The following SCN1A variants were observed in gnomAD, a reference collection of about 807,000 sequenced individuals.
SCN1A encodes the protein sodium channel protein type 1 subunit alpha.
Under a neutral mutation model 193.7 loss-of-function variants are expected in SCN1A, and 13 were observed. The ratio of observed to expected loss-of-function variants is 0.07; its 90% CI spans 0.04 to 0.11. The LOEUF (loss-of-function observed/expected upper bound fraction) is 0.11, where lower values mean the gene tolerates loss of function less well. Ranked by LOEUF, SCN1A falls within the 10% of genes least tolerant of loss-of-function variation. The pLI, the probability that SCN1A is intolerant of heterozygous loss-of-function variation, is 1.00. For synonymous variants in SCN1A, 781 were observed against 843.6 expected (o/e 0.93, Z 1.29); for missense variants, 1,432 against 2,451.1 (o/e 0.58, Z 8.78).
chr2:166,064,712 A>G (rs563213136), intron 4 of SCN1A, among the ~76,000 whole-genome samples: 1 of 152,138 alleles, frequency 6.6e-6, no homozygotes, highest in African/African-American at 2.4e-5. Context: ...TCTAGGGGCC[A>G]TATTCTTCAA....
intron 27 of SCN1A, among the ~76,000 whole-genome samples, 194 bp from the exon 28 acceptor site, chr2:165,994,610 C>A (rs1169484467): frequency 2.0e-5 from 3 of 151,688 alleles, no homozygotes; most frequent in African/African-American, 4.8e-5. Flanking sequence ...ATGTGTATTT[C>A]TCAGAATAAC....
chr2:166,049,901 A>G (rs1698330124), intron 9 of SCN1A, among the ~76,000 whole-genome samples: 1 of 152,054 alleles, frequency 6.6e-6, no homozygotes, highest in African/African-American at 2.4e-5. Flanking sequence ...AAGTAAATAA[A>G]AGACAAAAAG....
intron 16 of SCN1A, among the ~76,000 whole-genome samples, chr2:166,040,181 G>A (rs1016917271): frequency 6.6e-6 from 1 of 152,102 alleles, no homozygotes; most frequent in Non-Finnish European, 1.5e-5. Context: ...GCCTCCCAAA[G>A]TGCTGGGATT....
At chr2:166,067,171 T>G (rs1338520052) in intron 4 of SCN1A, among the ~76,000 whole-genome samples, 6 of 152,182 alleles carry the variant, frequency 3.9e-5, no homozygotes, top group African/African-American at 1.4e-4. Flanking sequence ...GAAAAAAAAT[T>G]TCTAATTATT....
chr2:166,137,835 G>A (rs1375608826), intron 1 of SCN1A, among the ~76,000 whole-genome samples: 3 of 152,176 alleles, frequency 2.0e-5, no homozygotes, highest in African/African-American at 7.2e-5. Flanking sequence ...AAGAAGAAAG[G>A]AAAATGTGGG....
chr2:166,105,362 A>G (rs1688569666), intron 2 of SCN1A, among the ~76,000 whole-genome samples: 1 of 152,252 alleles, frequency 6.6e-6, no homozygotes, highest in Non-Finnish European at 1.5e-5. Context: ...TAGAAGTGAA[A>G]CAGAAAGAAT....
intron 6 of SCN1A, among the ~76,000 whole-genome samples, chr2:166,055,850 A>G (rs947605599): frequency 2.0e-5 from 3 of 152,004 alleles, no homozygotes; most frequent in Non-Finnish European, 4.4e-5. Context: ...AAGCTCTACA[A>G]AAAGTTCCAC....
At chr2:166,017,910 AG>A (rs1415836746) in intron 19 of SCN1A, among the ~76,000 whole-genome samples, 1 of 152,074 alleles carries the variant, frequency 6.6e-6, no homozygotes, top group Non-Finnish European at 1.5e-5. Flanking sequence ...ATAGAATATT[AG>A]CATAAAAATC....
chr2:165,986,394 T>C lies in SCN1A; in HGVS notation c.*4851A>G, dbSNP rs1688611357. On this transcript the variant is annotated 3_prime_UTR_variant, in exon 29 of 29. Coordinates refer to ENST00000674923, the MANE Select transcript of SCN1A (RefSeq NM_001165963.4). Reference sequence around the variant, plus strand: ...TAAACAGCAAAGTGCCACCTTCTGTTATCCAAATCAGATCTGTTTAGCATC... The same window carrying C: ...TAAACAGCAAAGTGCCACCTTCTGTCATCCAAATCAGATCTGTTTAGCATC... 1 of 152,154 alleles carries C rather than the reference T, an allele frequency of 6.6e-6. No individual in the cohort carries two copies. Among genetic ancestry groups the C allele is most frequent in the Non-Finnish European group, 1.5e-5 (1 of 68,016 alleles). 9.4% of individuals were successfully genotyped at this position (152,154 alleles called of 1,614,324 possible).
intron 23 of SCN1A, among the ~76,000 whole-genome samples, chr2:166,004,715 T>G (rs1691416011): frequency 1.3e-5 from 2 of 151,502 alleles, no homozygotes; most frequent in South Asian, 4.1e-4. Flanking sequence ...CCACTTCAAT[T>G]AATATAATAA....
At chr2:166,087,697 T>C (rs1177490041) in intron 2 of SCN1A, among the ~76,000 whole-genome samples, 1 of 152,204 alleles carries the variant, frequency 6.6e-6, no homozygotes, top group Non-Finnish European at 1.5e-5. Context: ...TATTCTTTTA[T>C]AGCAATACTA....
At chr2:166,067,485 C>G (rs1683967231) in intron 4 of SCN1A, among the ~76,000 whole-genome samples, 1 of 146,758 alleles carries the variant, frequency 6.8e-6, no homozygotes, top group Non-Finnish European at 1.5e-5. Flanking sequence ...TTTTTTTTTC[C>G]ACTGCTGTGA....
intron 1 of SCN1A, among the ~76,000 whole-genome samples, chr2:166,145,174 G>A (rs1191240198): frequency 1.6e-4 from 2 of 12,502 alleles, no homozygotes; most frequent in Non-Finnish European, 2.8e-4. Context: ...TTTTTTTTTT[G>A]TGGGGGACAG....
At chr2:166,091,781 C>G (rs754136305) in intron 2 of SCN1A, among the ~76,000 whole-genome samples, 1 of 152,180 alleles carries the variant, frequency 6.6e-6, no homozygotes, top group African/African-American at 2.4e-5. Flanking sequence ...TCTTTCCCCA[C>G]GCCACTAGAA....
rs1688715581 is a variant in SCN1A, at chr2:165,988,025, T to G, written c.*3220A>C. ...TACAAGGATGGGAAAAGCCTTTTAA[T>G]TACTGTCCCTTTTCTGGTTGAGGCT... On this transcript the variant is annotated 3_prime_UTR_variant, in exon 29 of 29. Coordinates refer to ENST00000674923, the MANE Select transcript of SCN1A (RefSeq NM_001165963.4). 6.6e-6 allele frequency: 1 copy of G among 152,156 alleles called. No individual in the cohort carries two copies. The highest frequency in any genetic ancestry group is 2.4e-5 in the African/African-American group (1 of 41,458). The allele number at this position is 152,156 out of a possible 1,614,324, so 9.4% of individuals were successfully genotyped here.
At chr2:166,121,041 T>C (rs1431905448) in intron 2 of SCN1A, among the ~76,000 whole-genome samples, 1 of 151,376 alleles carries the variant, frequency 6.6e-6, no homozygotes, top group African/African-American at 2.4e-5. Context: ...AAGGATCAGA[T>C]TCATGACCCA....
At chr2:166,074,400 G>A (rs1239493226) in intron 3 of SCN1A, among the ~76,000 whole-genome samples, 1 of 152,192 alleles carries the variant, frequency 6.6e-6, no homozygotes, top group African/African-American at 2.4e-5. Flanking sequence ...AGGTGCAGGA[G>A]ACAGCAGGAG....
intron 2 of SCN1A, among the ~76,000 whole-genome samples, chr2:166,080,774 G>T (rs1685435663): frequency 6.6e-6 from 1 of 151,006 alleles, no homozygotes; most frequent in Middle Eastern, 3.2e-3. Flanking sequence ...CAAATAACGT[G>T]GACAAAAGAA....
rs775591652 is a variant in SCN1A, at chr2:166,051,905, C to T, written c.778G>A (p.Val260Ile). Residue 260 changes from valine to isoleucine, a missense_variant, in exon 9 of 29, where the codon GTA (valine) becomes ATA (isoleucine). By Grantham distance (29) the Val-to-Ile change is conservative. Around this residue, in one of 18 missense-constraint regions of SCN1A, gnomAD observed 123 missense variants for 282.8 expected, o/e 0.43. Coordinates refer to ENST00000674923, the MANE Select transcript of SCN1A (RefSeq NM_001165963.4). ...AGCTGCAGCCCAATTAGAGCAAATA[C>T]GCTCAGACAGAACACAGTCAGGATC... ...VMILTVFCLS[V>I]FALIGLQLFM... 28 of 1,612,438 alleles carry T rather than the reference C, an allele frequency of 1.7e-5. No homozygotes were observed. The Middle Eastern group carries it at 4.9e-4, about 28-fold the overall frequency.
Sources: allele counts gnomAD v4.1 joint callset (sites outside exome capture counted in the v4.1 genomes callset), GRCh38; gene constraint gnomAD v4.1.1; regional missense constraint gnomAD v4.1.1; transcripts MANE v1.5; gene names NCBI Gene and HGNC (gene_info 2026-07-23, HGNC 2026-07-21).